The following MED6 variants were observed in gnomAD, a reference collection of about 807,000 sequenced individuals.
MED6 encodes the protein mediator of RNA polymerase II transcription subunit 6.
A neutral mutation model predicts 37.5 loss-of-function variants in MED6; 33 were observed. That is an observed-to-expected ratio of 0.88 (90% CI 0.67 to 1.18). MED6 has a LOEUF of 1.18. Among genes scored for constraint, MED6 ranks in the 50% most tolerant of loss-of-function variants. The pLI is 0.00. For missense variants in MED6, 235 were observed against 290.6 expected (o/e 0.81, Z 1.39); for synonymous variants, 94 against 93.6 (o/e 1.00, Z -0.02).
At chr14:70,599,621 C>A (rs1211803287) in intron 1 of MED6, among the ~76,000 whole-genome samples, 1 of 152,220 alleles carries the variant, frequency 6.6e-6, no homozygotes, top group East Asian at 1.9e-4. Flanking sequence ...TCCAGCCACA[C>A]TGACCTCCTT....
rs1200938685 is a variant in MED6 at position 70,585,743 on chromosome 14, A to G, written c.610+13T>C. On this transcript the variant is annotated intron_variant, in intron 7 of 7. Transcript: ENST00000256379. ...TTATTTCAAGCGTAATAAGAATATT[A>G]CATGAACCATACCTGGAACAGGCTT... 3 of 1,595,530 alleles carry G rather than the reference A, an allele frequency of 1.9e-6. No individual in the cohort carries two copies. The highest frequency in any genetic ancestry group is 2.6e-6 in the Non-Finnish European group (3 of 1,171,682).
At chr14:70,600,267 T>C (rs1376377124) in intron 1 of MED6, among the ~76,000 whole-genome samples, 1 of 152,130 alleles carries the variant, frequency 6.6e-6, no homozygotes, top group Non-Finnish European at 1.5e-5. Context: ...AGTTGGCTTA[T>C]TACCCCATTC....
At chr14:70,587,452 A>G (rs1884744121) in intron 6 of MED6, among the ~76,000 whole-genome samples, 1 of 152,204 alleles carries the variant, frequency 6.6e-6, no homozygotes, top group African/African-American at 2.4e-5. Flanking sequence ...GTCCAAAGTA[A>G]TTTTGAGGGA....
At position 70,583,237 on chromosome 14, in the gene MED6, C is replaced by A. The variant is rs1278336045; in HGVS notation, c.*1576G>T. On this transcript the variant is annotated 3_prime_UTR_variant, in exon 8 of 8. Coordinates refer to ENST00000256379, the MANE Select transcript of MED6 (RefSeq NM_005466.4). ...TCTTTGTACTATTCTTACAACTTTTCTGTTTGCCGGAAATTATGTCAAAAT... is the reference window on the plus strand; with the variant it reads ...TCTTTGTACTATTCTTACAACTTTTATGTTTGCCGGAAATTATGTCAAAAT... The A allele has an allele frequency of 1.3e-5, 2 of 152,168 alleles. No homozygotes were observed. Among genetic ancestry groups the A allele is most frequent in the African/African-American group, 4.8e-5 (2 of 41,440 alleles). 9.4% of individuals were successfully genotyped at this position (152,168 alleles called of 1,614,324 possible). A position where few individuals can be genotyped will look rare whatever the true frequency, so the allele number is the denominator to read the frequency against.
At chr14:70,598,638 G>A (rs1264926870) in intron 1 of MED6, among the ~76,000 whole-genome samples, 1 of 152,066 alleles carries the variant, frequency 6.6e-6, no homozygotes, top group East Asian at 1.9e-4. Flanking sequence ...CAGAGAGAAT[G>A]TATATACAGA....
In MED6 at chr14:70,592,911, A is replaced by G. The variant is rs756573230; in HGVS notation, c.435T>C (p.Tyr145=). Reference sequence around the variant, plus strand: ...CTTCATGATCTTTGAAGTGCCACCAATACCCTTTGGAAGGATGATATCGAC... The same window carrying G: ...CTTCATGATCTTTGAAGTGCCACCAGTACCCTTTGGAAGGATGATATCGAC... ...SYCRYHPSKG[Y]WWHFKDHEEQ... The change falls in exon 5 of 8, where the codon TAT becomes TAC. Residue 145 remains tyrosine (Y), a synonymous_variant. Coordinates refer to ENST00000256379, the MANE Select transcript of MED6 (RefSeq NM_005466.4). 6.2e-7 allele frequency: 1 copy of G among 1,613,966 alleles called. No individual in the cohort carries two copies. The highest frequency in any genetic ancestry group is 8.5e-7 in the Non-Finnish European group (1 of 1,179,906).
rs377364764 is a variant in MED6 at position 70,590,077 on chromosome 14, A to G, written c.582+1189T>C. ...ATATTTTACATACATTCTTTTTCAT[A>G]CAAGTCTGAAATCCAGTATGTATAC... On this transcript the variant is annotated intron_variant, in intron 6 of 7. Coordinates refer to ENST00000256379, the MANE Select transcript of MED6 (RefSeq NM_005466.4). Among the ~76,000 whole-genome samples, 7 of 152,366 alleles carry G rather than the reference A, an allele frequency of 4.6e-5. 1 individual carries two copies. Among genetic ancestry groups the G allele is most frequent in the African/African-American group, 1.2e-4 (5 of 41,578 alleles).
In MED6 at chr14:70,584,707, T is replaced by C; in HGVS notation, c.*106A>G. 1 of 1,392,026 alleles carries C rather than the reference T, an allele frequency of 7.2e-7. No individual in the cohort carries two copies. The highest frequency in any genetic ancestry group is 9.7e-7 in the Non-Finnish European group (1 of 1,027,796). The allele number at this position is 1,392,026 out of a possible 1,614,324, so 86.2% of individuals were successfully genotyped here. ...CCTTTCAAAAAATAAGCGCATTCCA[T>C]ACAAATAAGAAGGTTACAATAAAGT... On this transcript the variant is annotated 3_prime_UTR_variant, in exon 8 of 8. Transcript: ENST00000256379.
chr14:70,598,008 A>T (rs1885094886), intron 1 of MED6, among the ~76,000 whole-genome samples: 1 of 152,202 alleles, frequency 6.6e-6, no homozygotes, highest in Non-Finnish European at 1.5e-5. Context: ...AAATACAAAA[A>T]ATTCTGGCCG....
Position 70,584,722 on chromosome 14 carries a change from T to C in MED6, c.*91A>G. The stretch of plus-strand genomic sequence containing the variant: ...GCGCATTCCATACAAATAAGAAGGT[T>C]ACAATAAAGTACTTCAAAGCTCAAG... On this transcript the variant is annotated 3_prime_UTR_variant, in exon 8 of 8. Coordinates refer to ENST00000256379, the MANE Select transcript of MED6 (RefSeq NM_005466.4). 5 of 1,453,634 alleles carry C rather than the reference T, an allele frequency of 3.4e-6. No individual in the cohort carries two copies. Among genetic ancestry groups the C allele is most frequent in the Non-Finnish European group, 4.6e-6 (5 of 1,076,628 alleles). The allele number at this position is 1,453,634 out of a possible 1,614,324, so 90.0% of individuals were successfully genotyped here. A position where few individuals can be genotyped will look rare whatever the true frequency, so the allele number is the denominator to read the frequency against.
In MED6 at chr14:70,585,679, A is replaced by G. The variant is rs921234504; in HGVS notation, c.610+77T>C. On this transcript the variant is annotated intron_variant, in intron 7 of 7. Transcript: ENST00000256379. Reference sequence around the variant, plus strand: ...GGACAAAATGACCACAGCTCATTTCACATGCTATACTTGTGATTGATTTAC... The same window carrying G: ...GGACAAAATGACCACAGCTCATTTCGCATGCTATACTTGTGATTGATTTAC... The G allele has an allele frequency of 3.9e-6, 5 of 1,296,466 alleles. No homozygotes were observed. The South Asian group carries it at 6.4e-5, about 17-fold the overall frequency. The allele number at this position is 1,296,466 out of a possible 1,614,324, so 80.3% of individuals were successfully genotyped here.
rs764173750 is a variant in MED6, at chr14:70,584,961, A to AT, written c.611-19dup. The AT allele has an allele frequency of 1.9e-6, 3 of 1,609,862 alleles. No individual in the cohort carries two copies. Among genetic ancestry groups the AT allele is most frequent in the African/African-American group, 2.7e-5 (2 of 74,610 alleles). ...TTGATCCACTAGATATCAAAAGTAG[A>AT]TTTTTTGGGAGGGAGATATGGGTGG... On this transcript the variant is annotated intron_variant, in intron 7 of 7. Transcript: ENST00000256379.
intron 3 of MED6, 90 bp downstream of exon 3, chr14:70,596,521 G>A: frequency 1.0e-6 from 1 of 999,696 alleles, no homozygotes; most frequent in South Asian, 1.5e-5. Flanking sequence ...CCCCCAAACA[G>A]AAACCAATCA....
intron 1 of MED6, among the ~76,000 whole-genome samples, chr14:70,598,582 G>C (rs1201658657): frequency 6.6e-6 from 1 of 152,062 alleles, no homozygotes. Context: ...GTATGTTAAA[G>C]AATAAATAAA....
intron 6 of MED6, among the ~76,000 whole-genome samples, chr14:70,588,197 G>A (rs942155160): frequency 1.5e-4 from 23 of 152,170 alleles, no homozygotes. Flanking sequence ...AATAGTTCTA[G>A]AGAAAGCCAT....
At position 70,585,757 on chromosome 14, in the gene MED6, T is replaced by C; in HGVS notation, c.609A>G (p.Pro203=). ...ATAAGAATATTACATGAACCATACC[T>C]GGAACAGGCTTTTCTCCAGGCTTTA... ...VQLKPGEKPV[P]VDQTKKEAEP... is the part of the protein sequence containing the mutation. The change falls in exon 7 of 8, where the codon CCA becomes CCG. Residue 203 remains proline, a splice_region_variant and synonymous_variant. Coordinates refer to ENST00000256379, the MANE Select transcript of MED6 (RefSeq NM_005466.4). The C allele has an allele frequency of 1.2e-6, 2 of 1,600,702 alleles. No homozygotes were observed. The highest frequency in any genetic ancestry group is 1.1e-5 in the South Asian group (1 of 87,788).
Position 70,596,595 on chromosome 14 carries a change from A to G in MED6, c.274+16T>C, listed in dbSNP as rs1271222332. On this transcript the variant is annotated intron_variant, in intron 3 of 7. Coordinates refer to ENST00000256379, the MANE Select transcript of MED6 (RefSeq NM_005466.4). The stretch of plus-strand genomic sequence containing the variant: ...ATTTTAAAAAGAAAACAATGCCTAA[A>G]GTTTACACATTTTACCTTGGGCAGG... 6.3e-7 allele frequency: 1 copy of G among 1,586,112 alleles called. No homozygotes were observed. The highest frequency in any genetic ancestry group is 8.6e-7 in the Non-Finnish European group (1 of 1,157,168).
chr14:70,592,653 C>T, intron 5 of MED6: 1 of 381,176 alleles, frequency 2.6e-6, no homozygotes, highest in Non-Finnish European at 4.9e-6. Flanking sequence ...CCTTGAATCA[C>T]CTTAACAAAG....
intron 1 of MED6, among the ~76,000 whole-genome samples, chr14:70,599,930 A>T (rs534832650): frequency 1.1e-4 from 17 of 152,176 alleles, no homozygotes; most frequent in Admixed American, 2.0e-4. Flanking sequence ...AGTTAATATT[A>T]AAAAAAGGCA....
Sources: allele counts gnomAD v4.1 joint callset (sites outside exome capture counted in the v4.1 genomes callset), GRCh38; gene constraint gnomAD v4.1.1; transcripts MANE v1.5; gene names NCBI Gene and HGNC (gene_info 2026-07-23, HGNC 2026-07-21).